The following NDUFAF6 variants were observed in gnomAD, a reference collection of about 807,000 sequenced individuals.
NDUFAF6 encodes NADH dehydrogenase (ubiquinone) complex I, assembly factor 6.
A neutral mutation model predicts 40.8 loss-of-function variants in NDUFAF6; 45 were observed. The observed-to-expected ratio is 1.10, with a 90% CI of 0.87 to 1.42. NDUFAF6 has a LOEUF of 1.42. Among genes scored for constraint, NDUFAF6 ranks in the 40% most tolerant of loss-of-function variants. NDUFAF6 has a pLI of 0.00. For missense variants in NDUFAF6, 435 were observed against 418.5 expected (o/e 1.04, Z -0.34); for synonymous variants, 185 against 155.9 (o/e 1.19, Z -1.39).
At chr8:95,070,587 T>C (rs1832818004) in intron 9 of NDUFAF6, among the ~76,000 whole-genome samples, 1 of 152,224 alleles carries the variant, frequency 6.6e-6, no homozygotes, top group Admixed American at 6.5e-5. Context: ...TTGAGTTTCT[T>C]TCCACTTTGG....
intron 1 of NDUFAF6, among the ~76,000 whole-genome samples, chr8:94,918,793 C>A (rs1010755119): frequency 1.3e-5 from 2 of 152,250 alleles, no homozygotes; most frequent in Non-Finnish European, 2.9e-5. Flanking sequence ...CCTTCTCTTT[C>A]CAACCCATTC....
chr8:94,916,101 C>T lies in NDUFAF6; in HGVS notation c.-936+20174C>T, dbSNP rs527504450. 5.9e-5 allele frequency among the ~76,000 whole-genome samples: 9 copies of T among 152,228 alleles called. No homozygotes were observed. The South Asian group carries it at 1.9e-3, about 32-fold the overall frequency. On this transcript the variant is annotated intron_variant, in intron 1 of 14. Coordinates refer to the NDUFAF6 transcript ENST00000396113. ...ATGGTGTGTACTTTAGGCAGTGAGG[C>T]ATAAAGTGTGAGGAGTTTTAAGGTT...
downstream of NDUFAF6, among the ~76,000 whole-genome samples, chr8:95,078,983 T>C (rs981565609): frequency 8.5e-5 from 13 of 152,140 alleles, no homozygotes; most frequent in East Asian, 2.3e-3. Flanking sequence ...TTTTTTTTGT[T>C]TTTGTTTTTG....
At chr8:94,940,992 T>C in intron 1 of NDUFAF6, 1 of 1,437,380 alleles carries the variant, frequency 7.0e-7, no homozygotes, top group African/African-American at 1.4e-5. Context: ...AGCTGAGATT[T>C]CAAAACCTTG....
chr8:95,081,967 A>G (rs9720421), intron 2 of NDUFAF6, among the ~76,000 whole-genome samples: 99,014 of 151,800 alleles, frequency 0.65, 33,506 homozygotes, highest in African/African-American at 0.83. Flanking sequence ...GGGAGGCTGA[A>G]GCGGGAGAAT....
intron 4 of NDUFAF6, chr8:95,044,606 C>CAGT (rs1297466907): frequency 6.6e-6 from 1 of 152,116 alleles, no homozygotes; most frequent in Admixed American, 6.6e-5. Flanking sequence ...GTGCCTACCA[C>CAGT]AATGCCCAGC....
chr8:94,994,342 G>A (rs1250691910), intron 2 of NDUFAF6, among the ~76,000 whole-genome samples: 1 of 152,058 alleles, frequency 6.6e-6, no homozygotes, highest in Non-Finnish European at 1.5e-5. Context: ...CCTGAGGTCA[G>A]GAGTTTGAGA....
intron 2 of NDUFAF6, among the ~76,000 whole-genome samples, chr8:94,986,901 A>C (rs1276928523): frequency 1.3e-5 from 2 of 152,192 alleles, no homozygotes; most frequent in Admixed American, 6.5e-5. Context: ...GAGGCTCTAC[A>C]GGAGCTCTTG....
intron 1 of NDUFAF6, among the ~76,000 whole-genome samples, chr8:94,905,994 A>T (rs971234991): frequency 5.9e-5 from 9 of 152,146 alleles, no homozygotes; most frequent in Admixed American, 1.3e-4. Context: ...TAGATTTTTT[A>T]AAAAATTGTT....
intron 2 of NDUFAF6, among the ~76,000 whole-genome samples, chr8:95,101,646 T>G (rs755072960): frequency 1.3e-5 from 2 of 152,260 alleles, no homozygotes; most frequent in African/African-American, 2.4e-5. Context: ...TTTCACGTGA[T>G]GGACACATGC....
intron 2 of NDUFAF6, among the ~76,000 whole-genome samples, chr8:95,007,055 C>A (rs1037427720): frequency 6.6e-6 from 1 of 151,100 alleles, no homozygotes; most frequent in African/African-American, 2.4e-5. Flanking sequence ...TCTTAACTAT[C>A]ATTTCCTTAT....
At chr8:95,004,712 A>G (rs1688909218) in intron 2 of NDUFAF6, among the ~76,000 whole-genome samples, 1 of 152,132 alleles carries the variant, frequency 6.6e-6, no homozygotes, top group East Asian at 1.9e-4. Flanking sequence ...GATCCTGACT[A>G]ATAACAGAGA....
At chr8:94,992,367 G>A (rs1393771157) in intron 2 of NDUFAF6, among the ~76,000 whole-genome samples, 1 of 152,068 alleles carries the variant, frequency 6.6e-6, no homozygotes, top group Non-Finnish European at 1.5e-5. Context: ...TGCACCTGCA[G>A]TCCCAGCTAT....
chr8:95,062,891 G>A (rs560467857), downstream of NDUFAF6, among the ~76,000 whole-genome samples: 3 of 152,308 alleles, frequency 2.0e-5, no homozygotes, highest in East Asian at 1.9e-4. Context: ...GGGCTCTCAG[G>A]AAATGTAAAT....
intron 2 of NDUFAF6, chr8:94,988,226 T>G (rs1045414323): frequency 2.0e-5 from 3 of 152,214 alleles, no homozygotes; most frequent in Non-Finnish European, 4.4e-5. Context: ...CCCCATGTCT[T>G]TCTTTATTGG....
At chr8:94,992,459 C>A (rs1235741558) in intron 2 of NDUFAF6, among the ~76,000 whole-genome samples, 2 of 151,990 alleles carry the variant, frequency 1.3e-5, no homozygotes, top group African/African-American at 4.8e-5. Flanking sequence ...TGTACTCCAG[C>A]CTGGATGACA....
At chr8:94,939,739 C>A (rs759296991) in intron 1 of NDUFAF6, 22 of 1,387,564 alleles carry the variant, frequency 1.6e-5, no homozygotes, top group Non-Finnish European at 2.2e-5. Context: ...TATGCACATG[C>A]TTTCATAAAT....
At chr8:94,960,760 A>G (rs913942292) in intron 1 of NDUFAF6, among the ~76,000 whole-genome samples, 1 of 152,178 alleles carries the variant, frequency 6.6e-6, no homozygotes, top group African/African-American at 2.4e-5. Flanking sequence ...AGCTGCTGCA[A>G]ACATTTGTTT....
intron 1 of NDUFAF6, among the ~76,000 whole-genome samples, chr8:94,904,378 G>A (rs1270962352): frequency 5.4e-5 from 6 of 112,112 alleles, no homozygotes; most frequent in African/African-American, 1.4e-4. Flanking sequence ...GGGTTTCACC[G>A]TGTTAGCCAG....
Sources: gnomAD v4.1 joint callset for allele counts (sites outside exome capture counted in the v4.1 genomes callset) on GRCh38, gnomAD v4.1.1 for gene constraint, MANE v1.5 for transcripts, NCBI Gene and HGNC (gene_info 2026-07-23, HGNC 2026-07-21) for gene names.